TNKS1BP1: variants seen among roughly 807,000 people sequenced by gnomAD.
TNKS1BP1 encodes 182 kDa tankyrase-1-binding protein.
In TNKS1BP1, 48 loss-of-function variants were observed where a neutral mutation model predicts 141.1. The ratio of observed to expected loss-of-function variants is 0.34; its 90% CI spans 0.27 to 0.43. The LOEUF (loss-of-function observed/expected upper bound fraction) is 0.43, where lower values mean the gene tolerates loss of function less well. TNKS1BP1 is among the 20% of genes least tolerant of loss of function. TNKS1BP1 has a pLI of 1.00. For missense variants in TNKS1BP1, 2,149 were observed against 2,226.0 expected (o/e 0.97, Z 0.70); for synonymous variants, 875 against 898.2 (o/e 0.97, Z 0.46).
At chr11:57,311,335 C>G (rs1855706304) in intron 5 of TNKS1BP1, 1 of 985,674 alleles carries the variant, frequency 1.0e-6, no homozygotes, top group African/African-American at 1.7e-5. Context: ...GATAGACATG[C>G]TGGCCTCCCC....
At chr11:57,317,763 G>T in intron 4 of TNKS1BP1, 55 bp downstream of exon 4, 2 of 1,539,686 alleles carry the variant, frequency 1.3e-6, no homozygotes, top group South Asian at 2.3e-5. Flanking sequence ...GATCTCATAT[G>T]ACCCTTCCAG....
intron 5 of TNKS1BP1, 65 bp from the exon 6 acceptor site, chr11:57,310,621 T>C: frequency 3.9e-6 from 6 of 1,538,526 alleles, no homozygotes; most frequent in Non-Finnish European, 5.2e-6. Context: ...TGGGAGTCAA[T>C]CCAGCAGAGT....
At position 57,310,575 on chromosome 11, in the gene TNKS1BP1, AACAG is replaced by A. The variant is rs768324715; in HGVS notation, c.2155-23_2155-20del. ...GGAGTCCCTGGGAATAAGAAAAAAA[AACAG>A]ACAAAGAAACAACGATTAGATTCCA... On this transcript the variant is annotated intron_variant, in intron 5 of 11. Coordinates refer to ENST00000358252, the MANE Select transcript of TNKS1BP1 (RefSeq NM_033396.3). 3.2e-6 allele frequency: 5 copies of A among 1,585,280 alleles called. No individual in the cohort carries two copies. Among genetic ancestry groups the A allele is most frequent in the East Asian group, 2.2e-5 (1 of 44,702 alleles).
intron 6 of TNKS1BP1, 123 bp downstream of exon 6, chr11:57,308,272 C>CA (rs1438749559): frequency 6.5e-6 from 9 of 1,375,602 alleles, no homozygotes; most frequent in Non-Finnish European, 7.9e-6. Context: ...CAAAATGTCT[C>CA]AATTACCCAA....
In TNKS1BP1 at chr11:57,310,218, A is replaced by G; in HGVS notation, c.2493T>C (p.Leu831=). ...QDRVVGKPAQ[L]GTQRSQEADV... The stretch of plus-strand genomic sequence containing the variant: ...CTGCCTCCTGGCTCCGCTGAGTGCC[A>G]AGCTGGGCTGGCTTTCCAACTACCC... The change falls in exon 6 of 12, where the codon CTT becomes CTC. Residue 831 remains leucine (L), a synonymous_variant. Coordinates refer to ENST00000358252, the MANE Select transcript of TNKS1BP1 (RefSeq NM_033396.3). 6.2e-7 allele frequency: 1 copy of G among 1,614,112 alleles called. No individual in the cohort carries two copies. The highest frequency in any genetic ancestry group is 2.2e-5 in the East Asian group (1 of 44,880).
rs761885353 is a variant in TNKS1BP1, at chr11:57,313,827, G to A, written c.861C>T (p.Ser287=). 6.5e-7 allele frequency: 1 copy of A among 1,541,118 alleles called. No homozygotes were observed. Among genetic ancestry groups the A allele is most frequent in the Admixed American group, 2.1e-5 (1 of 47,352 alleles). ...CTGAGGCTTCTGCGGGGAGGCCTGG[G>A]CTGGCAGGGCCTCCATTCTCTGAGG... The part of the protein sequence containing the change: ...APSSENGGPA[S]PGLPAEASGS... Residue 287 remains serine, a synonymous_variant, in exon 5 of 12, where the codon AGC becomes AGT. Coordinates refer to ENST00000358252, the MANE Select transcript of TNKS1BP1 (RefSeq NM_033396.3).
At chr11:57,315,352 C>T (rs1855782469) in intron 4 of TNKS1BP1, among the ~76,000 whole-genome samples, 1 of 152,024 alleles carries the variant, frequency 6.6e-6, no homozygotes, top group Admixed American at 6.5e-5. Flanking sequence ...CCCTCATACC[C>T]TCACCTCTCT....
At chr11:57,316,306 C>T (rs1300927692) in intron 4 of TNKS1BP1, among the ~76,000 whole-genome samples, 1 of 152,190 alleles carries the variant, frequency 6.6e-6, no homozygotes, top group Admixed American at 6.5e-5. Context: ...GGGCCCTCCC[C>T]TCCTGCACCA....
At position 57,320,221 on chromosome 11, in the gene TNKS1BP1, G is replaced by A. The variant is rs1317442049; in HGVS notation, c.586C>T (p.Arg196Ter). ...RLTFNHDGSS[R>*]YGPRTYGTTT... The stretch of plus-strand genomic sequence containing the variant: ...GTGCCATAGGTCCTGGGGCCATATC[G>A]CGAGCTGCCATCGTGGTTAAAGGTG... Residue 196 changes from arginine to a stop codon, truncating the protein, a stop_gained, in exon 3 of 12, where the codon CGA becomes TGA. Transcript: ENST00000358252. LOFTEE classifies it high-confidence loss of function. 8 of 1,614,192 alleles carry A rather than the reference G, an allele frequency of 5.0e-6. No individual in the cohort carries two copies. Among genetic ancestry groups the A allele is most frequent in the South Asian group, 4.4e-5 (4 of 91,082 alleles).
At position 57,309,939 on chromosome 11, in the gene TNKS1BP1, A is replaced by G; in HGVS notation, c.2772T>C (p.Asp924=). ...TCTTCTGAAACTCCCAGTCCTGCTC[A>G]TCGGCATCCTGGCTGCTGTACCTAC... ...HHGRYSSQDA[D]EQDWEFQKRD... is the part of the protein sequence containing the mutation. Residue 924 remains aspartate (D), a synonymous_variant, in exon 6 of 12, where the codon GAT becomes GAC. Transcript: ENST00000358252. This position sits in a 1 kb window ranked among gnomAD's most constrained non-coding sequence, Gnocchi z 4.3. 3.1e-6 allele frequency: 5 copies of G among 1,614,114 alleles called. No individual in the cohort carries two copies. The highest frequency in any genetic ancestry group is 4.2e-6 in the Non-Finnish European group (5 of 1,180,026).
rs1208612892 is a variant in TNKS1BP1, at chr11:57,320,520, G to A, written c.287C>T (p.Pro96Leu). The A allele has an allele frequency of 6.2e-7, 1 of 1,613,368 alleles. No homozygotes were observed. Among genetic ancestry groups the A allele is most frequent in the Admixed American group, 1.7e-5 (1 of 59,950 alleles). The change falls in exon 3 of 12, where the codon CCC (proline) becomes CTC (leucine). Residue 96 changes from proline (P) to leucine (L), a missense_variant. By Grantham distance (98) the Pro-to-Leu change is moderately conservative. Coordinates refer to ENST00000358252, the MANE Select transcript of TNKS1BP1 (RefSeq NM_033396.3). ...GPQPYGGSKRPLPFAPRPAVE... is the reference protein window; with the variant it reads ...GPQPYGGSKRLLPFAPRPAVE... ...CGCAGGCCTTGGTGCAAAGGGAAGG[G>A]GGCGCTTGCTGCCACCATAGGGCTG...
Position 57,320,650 on chromosome 11 carries a change from G to A in TNKS1BP1, c.157C>T (p.Leu53=). 1 of 1,610,492 alleles carries A rather than the reference G, an allele frequency of 6.2e-7. No homozygotes were observed. The highest frequency in any genetic ancestry group is 8.5e-7 in the Non-Finnish European group (1 of 1,178,122). The change falls in exon 3 of 12, where the codon CTG becomes TTG. Residue 53 remains leucine (L), a synonymous_variant. Transcript: ENST00000358252. The part of the protein sequence containing the change: ...KPRALPAKPA[L]PAKPSLLVPV... The stretch of plus-strand genomic sequence containing the variant: ...ACCAGCAGGCTGGGTTTGGCAGGCA[G>A]GGCTGGCTTGGCAGGCAGGGCCCGG...
intron 1 of TNKS1BP1, among the ~76,000 whole-genome samples, chr11:57,323,026 C>A (rs1855911579): frequency 6.6e-6 from 1 of 152,308 alleles, no homozygotes; most frequent in Admixed American, 6.5e-5. Context: ...CTTCTCCAAG[C>A]CTCAGTTTCT....
intron 4 of TNKS1BP1, among the ~76,000 whole-genome samples, chr11:57,315,879 AT>A (rs959904866): frequency 9.3e-5 from 14 of 150,170 alleles, no homozygotes; most frequent in South Asian, 2.1e-4. Context: ...TCCTGCATCG[AT>A]TTTTTTTTCC....
Position 57,300,905 on chromosome 11 carries a change from G to C in TNKS1BP1, c.5108C>G (p.Pro1703Arg). Residue 1703 changes from proline to arginine, a missense_variant, in exon 10 of 12, where the codon CCC (proline) becomes CGC (arginine). Transcript: ENST00000358252. ...CTACCCTGAGGATTTCTCTGGCTTGGGAGGTAACGTGAGGGGCTTTCCCAG... is the reference window on the plus strand; with the variant it reads ...CTACCCTGAGGATTTCTCTGGCTTGCGAGGTAACGTGAGGGGCTTTCCCAG... ...PGLGKPLTLP[P>R]KPEKSSGSEG... 1 of 1,614,040 alleles carries C rather than the reference G, an allele frequency of 6.2e-7. No individual in the cohort carries two copies. Among genetic ancestry groups the C allele is most frequent in the Non-Finnish European group, 8.5e-7 (1 of 1,179,968 alleles).
At chr11:57,321,691 G>A in intron 2 of TNKS1BP1, 101 bp downstream of exon 2, 1 of 1,380,434 alleles carries the variant, frequency 7.2e-7, no homozygotes, top group Non-Finnish European at 9.9e-7. Flanking sequence ...TATCTCAACA[G>A]AATCATCACT....
At chr11:57,300,637 T>C in intron 10 of TNKS1BP1, 37 bp from the exon 11 acceptor site, 3 of 1,613,352 alleles carry the variant, frequency 1.9e-6, no homozygotes, top group South Asian at 1.1e-5. Context: ...AATGCAAACT[T>C]TGAGGAAACT....
chr11:57,305,691 C>A (rs892012169), intron 6 of TNKS1BP1, among the ~76,000 whole-genome samples: 2 of 152,190 alleles, frequency 1.3e-5, no homozygotes, highest in African/African-American at 4.8e-5. Flanking sequence ...CCCACAGCCA[C>A]CAGCCGTGGG....
At position 57,308,712 on chromosome 11, in the gene TNKS1BP1, C is replaced by A. The variant is rs751561407; in HGVS notation, c.3999G>T (p.Gly1333=). 40 of 1,613,412 alleles carry A rather than the reference C, an allele frequency of 2.5e-5. No individual in the cohort carries two copies. Among genetic ancestry groups the A allele is most frequent in the Non-Finnish European group, 3.1e-5 (36 of 1,180,026 alleles). Residue 1333 remains glycine (G), a synonymous_variant, in exon 6 of 12, where the codon GGG becomes GGT. Coordinates refer to ENST00000358252, the MANE Select transcript of TNKS1BP1 (RefSeq NM_033396.3). The stretch of plus-strand genomic sequence containing the variant: ...TCTGCCCCACTCCACATCCCCGTAG[C>A]CCCTGAGAACCTCCAGAGTCTGGGT... ...TCDPDSGGSQ[G]LRGCGVGQMD...
Sources: gnomAD v4.1 joint callset for allele counts (sites outside exome capture counted in the v4.1 genomes callset) on GRCh38, gnomAD v4.1.1 for gene constraint, Gnocchi (gnomAD v3.1) non-coding constraint, MANE v1.5 for transcripts, NCBI Gene and HGNC (gene_info 2026-07-23, HGNC 2026-07-21) for gene names.